EBF4: variants seen among roughly 807,000 people sequenced by gnomAD.
EBF4 encodes EBF transcription factor 4.
In EBF4, 34 loss-of-function variants were observed where a neutral mutation model predicts 67.1. The observed-to-expected ratio is 0.51, with a 90% CI of 0.39 to 0.67. EBF4 has a LOEUF of 0.67. Among genes scored for constraint, EBF4 ranks in the 30% least tolerant of loss-of-function variants. The pLI, the probability that EBF4 is intolerant of heterozygous loss-of-function variation, is 0.00. For synonymous variants in EBF4, 387 were observed against 377.7 expected, an observed-to-expected ratio of 1.02 and a Z score of -0.29; for missense variants, 837 against 873.3, an observed-to-expected ratio of 0.96 and a Z score of 0.52.
chr20:2,751,690 C>T lies in EBF4; in HGVS notation c.1019-10C>T, dbSNP rs749897337. On this transcript the variant is annotated splice_polypyrimidine_tract_variant and intron_variant, in intron 10 of 16. Transcript: ENST00000609451. The surrounding 1 kb of genome is among the most constrained non-coding windows in gnomAD (Gnocchi z 5.2). ...GGGAGACGTCCTCCAAACGCCGCCCCCTTCCCCAGCTCTGAACGAGCCCAC... is the reference window on the plus strand; with the variant it reads ...GGGAGACGTCCTCCAAACGCCGCCCTCTTCCCCAGCTCTGAACGAGCCCAC... The T allele has an allele frequency of 1.9e-6, 3 of 1,550,582 alleles. No individual in the cohort carries two copies. Among genetic ancestry groups the T allele is most frequent in the African/African-American group, 2.7e-5 (2 of 73,016 alleles).
intron 6 of EBF4, among the ~76,000 whole-genome samples, chr20:2,725,754 C>T (rs192941701): frequency 6.6e-6 from 1 of 152,324 alleles, no homozygotes; most frequent in East Asian, 1.9e-4. Context: ...CTAGGTTCCT[C>T]AGAGGATCCA....
intron 6 of EBF4, among the ~76,000 whole-genome samples, chr20:2,742,759 T>C (rs1437490146): frequency 2.0e-5 from 3 of 152,120 alleles, no homozygotes; most frequent in Non-Finnish European, 4.4e-5. Context: ...TTCAGCCCCA[T>C]AGGGCCAGGA....
chr20:2,754,279 G>A (rs2088203154), intron 14 of EBF4, among the ~76,000 whole-genome samples: 1 of 152,166 alleles, frequency 6.6e-6, no homozygotes, highest in African/African-American at 2.4e-5. Flanking sequence ...CATTCCTGGA[G>A]TGACATCAGA....
intron 6 of EBF4, among the ~76,000 whole-genome samples, chr20:2,735,820 A>G (rs2087869717): frequency 6.6e-6 from 1 of 152,220 alleles, no homozygotes; most frequent in Admixed American, 6.5e-5. Flanking sequence ...TAATTATGTA[A>G]ACAACAATTT....
intron 6 of EBF4, among the ~76,000 whole-genome samples, chr20:2,730,940 C>T (rs190352185): frequency 3.2e-3 from 484 of 152,290 alleles, no homozygotes; most frequent in Non-Finnish European, 5.4e-3. Context: ...CGCTCCATCA[C>T]CAGGCTGGAG....
intron 6 of EBF4, among the ~76,000 whole-genome samples, chr20:2,714,501 G>A (rs902553288): frequency 2.6e-5 from 4 of 152,084 alleles, no homozygotes; most frequent in Non-Finnish European, 5.9e-5. Context: ...ACAGGCTCAC[G>A]CCAACAAGCC....
chr20:2,708,047 C>T (rs1288429561), intron 5 of EBF4, 27 bp downstream of exon 5: 1 of 1,589,200 alleles, frequency 6.3e-7, no homozygotes, highest in Non-Finnish European at 8.6e-7. Context: ...ACTCACACCT[C>T]ACCCCTCTGC....
intron 1 of EBF4, among the ~76,000 whole-genome samples, chr20:2,699,714 A>G (rs2087347545): frequency 6.6e-6 from 1 of 152,236 alleles, no homozygotes; most frequent in African/African-American, 2.4e-5. Flanking sequence ...TTTATGTGGC[A>G]TGGTTTGTTC....
chr20:2,696,210 G>A lies in EBF4; in HGVS notation c.137+2428G>A, dbSNP rs1285608711. ...GACCAGGCTGGGCGCGGTGGCTCAC[G>A]CCTGTAATTCCAGCACTTTGGGAGG... On this transcript the variant is annotated intron_variant, in intron 1 of 16. Transcript: ENST00000609451. The surrounding 1 kb of genome is among the most constrained non-coding windows in gnomAD (Gnocchi z 4.7). 2.0e-5 allele frequency among the ~76,000 whole-genome samples: 3 copies of A among 152,140 alleles called. No individual in the cohort carries two copies. The highest frequency in any genetic ancestry group is 6.5e-5 in the Admixed American group (1 of 15,276).
At position 2,707,663 on chromosome 20, in the gene EBF4, C is replaced by G. The variant is rs1162873940; in HGVS notation, c.415-284C>G. Among the ~76,000 whole-genome samples the G allele has an allele frequency of 6.6e-6, 1 of 152,142 alleles. No individual in the cohort carries two copies. Among genetic ancestry groups the G allele is most frequent in the Non-Finnish European group, 1.5e-5 (1 of 68,016 alleles). On this transcript the variant is annotated intron_variant, in intron 4 of 16. Transcript: ENST00000609451. This position sits in a 1 kb window ranked among gnomAD's most constrained non-coding sequence, Gnocchi z 4.6. ...GCCACCTGACCTTTGTCCTGGCACC[C>G]TGAGGAACCCCCTGCCCCAAGCAGA...
chr20:2,705,806 C>CACACACACAG, intron 2 of EBF4, 73 bp downstream of exon 2: 1 of 1,301,644 alleles, frequency 7.7e-7, no homozygotes, highest in East Asian at 2.5e-5. Flanking sequence ...CACACACACA[C>CACACACACAG]ACACACACAC....
intron 15 of EBF4, among the ~76,000 whole-genome samples, chr20:2,757,927 G>T (rs1298999039): frequency 6.6e-6 from 1 of 152,214 alleles, no homozygotes; most frequent in East Asian, 1.9e-4. Context: ...AGTCTGTCTA[G>T]CCTGGACAAG....
chr20:2,708,697 T>C (rs764434000), intron 5 of EBF4, among the ~76,000 whole-genome samples: 1 of 152,222 alleles, frequency 6.6e-6, no homozygotes, highest in Non-Finnish European at 1.5e-5. Flanking sequence ...CATTCTAGCC[T>C]GGGTGACAGA....
intron 1 of EBF4, among the ~76,000 whole-genome samples, chr20:2,695,926 A>G (rs1467270478): frequency 6.6e-6 from 1 of 151,876 alleles, no homozygotes; most frequent in African/African-American, 2.4e-5. Flanking sequence ...AGGCTTAGGA[A>G]TGTTCTTTTC....
chr20:2,752,123 C>A, exon 13 of EBF4: 1 of 1,471,634 alleles, frequency 6.8e-7, no homozygotes. Context: ...GTGGCCGAGG[C>A]TCTGTACAGC....
intron 6 of EBF4, among the ~76,000 whole-genome samples, chr20:2,726,638 T>C (rs2087750218): frequency 6.6e-6 from 1 of 152,172 alleles, no homozygotes; most frequent in African/African-American, 2.4e-5. Flanking sequence ...CGTGTTTTAA[T>C]AACTGGTAGA....
chr20:2,721,145 T>C (rs1172899000), intron 6 of EBF4, among the ~76,000 whole-genome samples: 1 of 152,004 alleles, frequency 6.6e-6, no homozygotes. Context: ...TTTTTGACCA[T>C]GATTTATTCA....
At chr20:2,693,478 G>A, upstream of EBF4, 2 of 790,978 alleles carry the variant, frequency 2.5e-6, no homozygotes, top group East Asian at 3.4e-5. This position sits in a 1 kb window ranked among gnomAD's most constrained non-coding sequence, Gnocchi z 4.6. Context: ...CCGCGGACCC[G>A]CTTTCTCCGA....
chr20:2,718,039 G>C (rs767467788), intron 6 of EBF4, among the ~76,000 whole-genome samples: 8 of 152,138 alleles, frequency 5.3e-5, no homozygotes, highest in Non-Finnish European at 1.0e-4. Context: ...TCGAACTCCT[G>C]ACCTCGTGAT....
Sources: gnomAD v4.1 joint callset for allele counts (sites outside exome capture counted in the v4.1 genomes callset) on GRCh38, gnomAD v4.1.1 for gene constraint, Gnocchi (gnomAD v3.1) non-coding constraint, MANE v1.5 for transcripts, NCBI Gene and HGNC (gene_info 2026-07-23, HGNC 2026-07-21) for gene names.